EVA1A: variants seen among roughly 807,000 people sequenced by gnomAD.
EVA1A encodes the protein eva-1 homolog A, regulator of programmed cell death, also known as protein eva-1 homolog A.
Under a neutral mutation model 9.8 loss-of-function variants are expected in EVA1A, and 7 were observed. The observed-to-expected ratio is 0.71, with a 90% CI of 0.41 to 1.34. EVA1A has a LOEUF of 1.34. EVA1A is among the 40% of genes most tolerant of loss of function. EVA1A has a pLI of 0.01. For missense variants in EVA1A, 206 were observed against 205.9 expected (o/e 1.00, Z 0.00); for synonymous variants, 90 against 85.6 (o/e 1.05, Z -0.28).
intron 3 of EVA1A, among the ~76,000 whole-genome samples, chr2:75,510,894 G>T (rs1674789025): frequency 6.6e-6 from 1 of 152,206 alleles, no homozygotes; most frequent in Non-Finnish European, 1.5e-5. Context: ...CACAAGCCAA[G>T]TCTGCCCAGC....
intron 1 of EVA1A, among the ~76,000 whole-genome samples, chr2:75,547,946 T>C (rs759396090): frequency 3.3e-5 from 5 of 152,332 alleles, no homozygotes; most frequent in East Asian, 1.9e-4. Flanking sequence ...TTTTGCACCA[T>C]AGTGGCAGAG....
intron 1 of EVA1A, among the ~76,000 whole-genome samples, chr2:75,536,886 A>C (rs1278622842): frequency 1.3e-5 from 2 of 152,198 alleles, no homozygotes; most frequent in Non-Finnish European, 2.9e-5. Flanking sequence ...TGTTTAAAGA[A>C]GAATTAGCAC....
At chr2:75,516,634 T>G (rs1456495049) in intron 3 of EVA1A, among the ~76,000 whole-genome samples, 1 of 152,230 alleles carries the variant, frequency 6.6e-6, no homozygotes. Flanking sequence ...AGGTACCTCC[T>G]GTGCTGATCA....
intron 3 of EVA1A, among the ~76,000 whole-genome samples, chr2:75,516,379 G>T (rs566791556): frequency 5.7e-4 from 87 of 152,070 alleles, no homozygotes; most frequent in Admixed American, 5.2e-3. Flanking sequence ...CCATTTCCTT[G>T]TGTTTTCTTT....
At chr2:75,547,266 C>T (rs1294633303) in intron 1 of EVA1A, among the ~76,000 whole-genome samples, 1 of 152,146 alleles carries the variant, frequency 6.6e-6, no homozygotes, top group Admixed American at 6.5e-5. Flanking sequence ...GATGGAGCTT[C>T]ATGCCACCCA....
rs75229308 is a variant in EVA1A at position 75,501,315 on chromosome 2, C to G, written c.86-7706G>C. Among the ~76,000 whole-genome samples the G allele has an allele frequency of 5.0e-3, 764 of 152,316 alleles. 5 individuals carry two copies. The highest frequency in any genetic ancestry group is 8.4e-3 in the Non-Finnish European group (571 of 68,032). On this transcript the variant is annotated intron_variant, in intron 3 of 3. Transcript: ENST00000393913. The stretch of plus-strand genomic sequence containing the variant: ...TAGTGCTCAAGTGACATGCCTTGAA[C>G]TTCGCAAATGTTTAATTCCTTCTTT...
At chr2:75,541,044 G>A (rs889419877) in intron 1 of EVA1A, among the ~76,000 whole-genome samples, 1 of 152,172 alleles carries the variant, frequency 6.6e-6, no homozygotes, top group Non-Finnish European at 1.5e-5. Flanking sequence ...CTTCCTGGGA[G>A]TCACTCGCAT....
In EVA1A at chr2:75,495,806, C is replaced by T. The variant is rs149967328; in HGVS notation, c.86-2197G>A. Among the ~76,000 whole-genome samples, 560 of 152,226 alleles carry T rather than the reference C, an allele frequency of 3.7e-3. 3 individuals carry two copies. Among genetic ancestry groups the T allele is most frequent in the African/African-American group, 0.013 (542 of 41,530 alleles). On this transcript the variant is annotated intron_variant, in intron 3 of 3. Transcript: ENST00000393913. ...TAAAAAATATTGTCCAAATATGTTC[C>T]TAAAATTTCATGAAATCCATTACAT...
chr2:75,560,826 T>G lies in EVA1A; in HGVS notation c.-338A>C, dbSNP rs1167946379. On this transcript the variant is annotated 5_prime_UTR_variant, in exon 1 of 4. Coordinates refer to ENST00000393913, the MANE Select transcript of EVA1A (RefSeq NM_001135032.2). ...CCGGCACCAGTACCTCGGAAAGGAA[T>G]CCCGGCGGAGGGGCCGCCGGGGTCA... 6.5e-6 allele frequency: 1 copy of G among 152,672 alleles called. No individual in the cohort carries two copies. Among genetic ancestry groups the G allele is most frequent in the Non-Finnish European group, 1.5e-5 (1 of 68,292 alleles). The allele number at this position is 152,672 out of a possible 1,614,324, so 9.5% of individuals were successfully genotyped here. A position where few individuals can be genotyped will look rare whatever the true frequency, so the allele number is the denominator to read the frequency against.
intron 3 of EVA1A, among the ~76,000 whole-genome samples, chr2:75,496,380 G>A (rs1385580780): frequency 6.6e-6 from 1 of 152,054 alleles, no homozygotes; most frequent in Non-Finnish European, 1.5e-5. Flanking sequence ...GGATTTCTAT[G>A]CACCAACAAT....
intron 3 of EVA1A, 133 bp from the exon 4 acceptor site, chr2:75,493,742 G>A: frequency 2.7e-6 from 2 of 738,610 alleles, no homozygotes; most frequent in East Asian, 2.9e-5. Context: ...CCTCCAATGT[G>A]ACATATTTTA....
Position 75,524,413 on chromosome 2 carries a change from C to T in EVA1A, c.-191-1926G>A, listed in dbSNP as rs543106096. ...GCACAGCCTGGCTACTACAACTACACTACATGCTGCTCTCACCAGGACCCT... is the reference window on the plus strand; with the variant it reads ...GCACAGCCTGGCTACTACAACTACATTACATGCTGCTCTCACCAGGACCCT... On this transcript the variant is annotated intron_variant, in intron 1 of 3. Coordinates refer to ENST00000393913, the MANE Select transcript of EVA1A (RefSeq NM_001135032.2). 2.6e-5 allele frequency among the ~76,000 whole-genome samples: 4 copies of T among 152,106 alleles called. No homozygotes were observed. The South Asian group carries it at 8.3e-4, about 32-fold the overall frequency.
Position 75,518,177 on chromosome 2 carries a change from T to A in EVA1A, c.-37A>T, listed in dbSNP as rs1209944157. 1.9e-6 allele frequency: 3 copies of A among 1,604,980 alleles called. No homozygotes were observed. In the South Asian group the frequency reaches 3.4e-5, roughly 18 times the overall value. The stretch of plus-strand genomic sequence containing the variant: ...AGGGGACCTCCTGGAGGTGCTTGGC[T>A]GAATCAACGTGGCCACTCTCCTTCT... On this transcript the variant is annotated 5_prime_UTR_variant, in exon 3 of 4. Transcript: ENST00000393913.
chr2:75,549,646 T>C (rs1042054824), intron 1 of EVA1A, among the ~76,000 whole-genome samples: 2 of 152,202 alleles, frequency 1.3e-5, no homozygotes, highest in Non-Finnish European at 2.9e-5. Flanking sequence ...GAAATGTGAC[T>C]CTTGAATGAT....
chr2:75,515,432 T>C (rs538828745), intron 3 of EVA1A, among the ~76,000 whole-genome samples: 1 of 152,244 alleles, frequency 6.6e-6, no homozygotes, highest in South Asian at 2.1e-4. Flanking sequence ...CAAATTATAC[T>C]GGTGTTTGAT....
At chr2:75,493,674 A>T in intron 3 of EVA1A, 65 bp from the exon 4 acceptor site, 1 of 1,455,924 alleles carries the variant, frequency 6.9e-7, no homozygotes, top group Non-Finnish European at 9.1e-7. Context: ...GAGATCCAAT[A>T]TGACTCCAGC....
intron 1 of EVA1A, among the ~76,000 whole-genome samples, chr2:75,543,542 C>G (rs572694184): frequency 3.3e-5 from 5 of 152,138 alleles, no homozygotes; most frequent in Middle Eastern, 3.4e-3. Flanking sequence ...AAAACCTTGA[C>G]CTGGAAGTCT....
chr2:75,539,010 A>T (rs1003517265), intron 1 of EVA1A, among the ~76,000 whole-genome samples: 1 of 152,220 alleles, frequency 6.6e-6, no homozygotes, highest in Non-Finnish European at 1.5e-5. Context: ...TAAATGGAAT[A>T]TGGGAGCTCT....
At chr2:75,525,864 G>A (rs1675418557) in intron 1 of EVA1A, among the ~76,000 whole-genome samples, 1 of 152,218 alleles carries the variant, frequency 6.6e-6, no homozygotes, top group Non-Finnish European at 1.5e-5. Context: ...CTAACACAGA[G>A]CCTGAAGCCT....
Sources: gnomAD v4.1 joint callset for allele counts (sites outside exome capture counted in the v4.1 genomes callset) on GRCh38, gnomAD v4.1.1 for gene constraint, MANE v1.5 for transcripts, NCBI Gene and HGNC (gene_info 2026-07-23, HGNC 2026-07-21) for gene names.